The following SYNE2 variants were observed in gnomAD, a reference collection of about 807,000 sequenced individuals.
SYNE2 encodes the protein spectrin repeat containing nuclear envelope protein 2.
SYNE2 carries 431 observed loss-of-function variants against 856.3 expected under a neutral mutation model. That is an observed-to-expected ratio of 0.50 (90% CI 0.47 to 0.55). The LOEUF (loss-of-function observed/expected upper bound fraction) is 0.55, where lower values mean the gene tolerates loss of function less well. SYNE2 is among the 20% of genes least tolerant of loss of function. The probability of loss-of-function intolerance (pLI) is 0.00; values close to 1 mark genes in which losing one functional copy is unlikely to be tolerated. For missense variants in SYNE2, 8,129 were observed against 8,023.2 expected (o/e 1.01, Z -0.50); for synonymous variants, 2,923 against 2,872.3 (o/e 1.02, Z -0.56).
chr14:64,102,108 T>C, intron 64 of SYNE2, 66 bp downstream of exon 64: 1 of 1,140,288 alleles, frequency 8.8e-7, no homozygotes. Flanking sequence ...GGGATCTCTT[T>C]CTGCACGACT....
intron 2 of SYNE2, among the ~76,000 whole-genome samples, chr14:63,936,080 G>A (rs987620522): frequency 1.3e-4 from 20 of 152,060 alleles, no homozygotes; most frequent in East Asian, 5.8e-4. Context: ...TCACCATGTT[G>A]GCCACGCTGG....
chr14:63,900,001 A>C (rs995040385), intron 1 of SYNE2, among the ~76,000 whole-genome samples: 3 of 152,226 alleles, frequency 2.0e-5, no homozygotes, highest in African/African-American at 4.8e-5. Context: ...GAATTCCAGC[A>C]ACCACCTTAA....
At position 64,065,512 on chromosome 14, in the gene SYNE2, C is replaced by T. The variant is rs747290642; in HGVS notation, c.10293C>T (p.Cys3431=). The change falls in exon 51 of 116, where the codon TGC becomes TGT. Residue 3431 remains cysteine, a synonymous_variant. Coordinates refer to ENST00000555002, the MANE Select transcript of SYNE2 (RefSeq NM_182914.3). The part of the protein sequence containing the change: ...RQILRLLRLR[C]TENDGICLLK... ...TCCTTAGACTCTTGAGACTCAGGTG[C>T]ACAGAAAATGATGGCATATGTTTGC... The T allele has an allele frequency of 6.2e-7, 1 of 1,613,992 alleles. No individual in the cohort carries two copies. Among genetic ancestry groups the T allele is most frequent in the East Asian group, 2.2e-5 (1 of 44,870 alleles).
intron 1 of SYNE2, among the ~76,000 whole-genome samples, chr14:63,871,831 A>T (rs1770488016): frequency 6.6e-6 from 1 of 152,098 alleles, no homozygotes; most frequent in African/African-American, 2.4e-5. Flanking sequence ...TTGTTTAAAA[A>T]TTACATAATA....
intron 88 of SYNE2, 82 bp from the exon 89 acceptor site, chr14:64,163,320 A>G: frequency 6.7e-7 from 1 of 1,503,606 alleles, no homozygotes; most frequent in East Asian, 2.3e-5. Context: ...ATATTCTCCT[A>G]GATTTTGATG....
At chr14:63,895,936 A>G (rs575634416) in intron 1 of SYNE2, among the ~76,000 whole-genome samples, 2 of 152,228 alleles carry the variant, frequency 1.3e-5, no homozygotes, top group East Asian at 3.9e-4. Flanking sequence ...ATCCTCTCTT[A>G]TTCCAGGGAA....
At chr14:63,837,374 A>T (rs1889893011) in intron 1 of SYNE2, among the ~76,000 whole-genome samples, 1 of 152,184 alleles carries the variant, frequency 6.6e-6, no homozygotes, top group African/African-American at 2.4e-5. Flanking sequence ...TATCTTTGTG[A>T]CTTTGGGTCA....
rs112357077 is a variant in SYNE2, at chr14:63,996,810, G to A, written c.2941-137G>A. The A allele has an allele frequency of 6.9e-4, 561 of 809,208 alleles. 2 individuals carry two copies. In the African/African-American group the frequency reaches 7.9e-3, roughly 11 times the overall value. The allele number at this position is 809,208 out of a possible 1,614,324, so 50.1% of individuals were successfully genotyped here. A position where few individuals can be genotyped will look rare whatever the true frequency, so the allele number is the denominator to read the frequency against. ...ACTCTCTCATCTTTTTTTCTCTAGC[G>A]CCTATTGTCATAGCATGTAGATGGC... On this transcript the variant is annotated intron_variant, in intron 23 of 115. Transcript: ENST00000555002.
intron 2 of SYNE2, among the ~76,000 whole-genome samples, chr14:63,921,468 G>A (rs570810398): frequency 2.2e-3 from 331 of 152,262 alleles, no homozygotes; most frequent in African/African-American, 7.4e-3. Flanking sequence ...AGCAACACAA[G>A]CCCGTAGCAG....
In SYNE2 at chr14:64,223,218, A is replaced by T. The variant is rs774697526; in HGVS notation, c.20220A>T (p.Gln6740His). Residue 6740 changes from glutamine (Q) to histidine (H), a missense_variant, in exon 113 of 116, where the codon CAA (glutamine) becomes CAT (histidine). Physicochemically the swap from Gln to His is conservative, Grantham distance 24 (BLOSUM62 0). Around this residue, in one of 3 missense-constraint regions of SYNE2, gnomAD observed 5,410 missense variants for 5,284.8 expected, o/e 1.02. Transcript: ENST00000555002. The part of the protein sequence containing the change: ...MQLEKELVER[Q>H]PQVDMLQEIS... ...TGGAAAAGGAGCTGGTAGAACGTCA[A>T]CCTCAAGTGGACATGTTACAGGAGA... The T allele has an allele frequency of 1.2e-6, 2 of 1,614,060 alleles. No individual in the cohort carries two copies. Among genetic ancestry groups the T allele is most frequent in the South Asian group, 2.2e-5 (2 of 91,042 alleles).
intron 1 of SYNE2, among the ~76,000 whole-genome samples, chr14:63,774,245 G>A (rs961515942): frequency 9.2e-5 from 14 of 152,024 alleles, no homozygotes; most frequent in African/African-American, 3.1e-4. Context: ...GAGGCGGGCA[G>A]ATCACCTGAG....
intron 94 of SYNE2, chr14:64,174,040 T>A (rs1373588908): frequency 1.5e-5 from 9 of 598,242 alleles, no homozygotes; most frequent in East Asian, 2.9e-5. Flanking sequence ...TAGAAAAAAA[T>A]AAAAATAAAC....
intron 94 of SYNE2, among the ~76,000 whole-genome samples, chr14:64,172,879 G>A (rs932119628): frequency 6.6e-6 from 1 of 151,534 alleles, no homozygotes; most frequent in Non-Finnish European, 1.5e-5. Flanking sequence ...AGGCTGCAAC[G>A]AGCCATGGTC....
At chr14:64,140,447 T>TG (rs1336209210) in intron 80 of SYNE2, among the ~76,000 whole-genome samples, 1 of 152,164 alleles carries the variant, frequency 6.6e-6, no homozygotes, top group Non-Finnish European at 1.5e-5. Context: ...CCGAGCATGG[T>TG]GGTGCATGCC....
intron 1 of SYNE2, among the ~76,000 whole-genome samples, chr14:63,889,998 C>G (rs1400471834): frequency 6.6e-6 from 1 of 151,608 alleles, no homozygotes; most frequent in African/African-American, 2.4e-5. Context: ...TCCTTCCATC[C>G]AGGTATGGGG....
In SYNE2 at chr14:64,049,429, AAATAAT is replaced by A. The variant is rs71444641; in HGVS notation, c.7378-157_7378-152del. On this transcript the variant is annotated intron_variant, in intron 46 of 115. Transcript: ENST00000555002. Reference sequence around the variant, plus strand: ...ACCCTGCACTCCAGCCTGGGTGACAAAATAATAATAATAATAATAATAATAATAATT... The same window carrying A: ...ACCCTGCACTCCAGCCTGGGTGACAAAATAATAATAATAATAATAATAATT... The A allele has an allele frequency of 9.4e-5, 16 of 169,716 alleles. 1 individual carries two copies. In the East Asian group the frequency reaches 1.4e-3, roughly 14 times the overall value. 10.5% of individuals were successfully genotyped at this position (169,716 alleles called of 1,614,324 possible). A position where few individuals can be genotyped will look rare whatever the true frequency, so the allele number is the denominator to read the frequency against.
Position 64,183,062 on chromosome 14 carries a change from G to A in SYNE2, c.17557-3362G>A, listed in dbSNP as rs181626002. ...GACGGGGCGGCTGCTGGGCGGAGAC[G>A]CTCCTCACTTCCCGGACGGGGCGGC... is the stretch of plus-strand genomic sequence containing the variant. On this transcript the variant is annotated intron_variant, in intron 96 of 115. Transcript: ENST00000555002. 4.7e-5 allele frequency among the ~76,000 whole-genome samples: 7 copies of A among 148,882 alleles called. No individual in the cohort carries two copies. The South Asian group carries it at 6.4e-4, about 14-fold the overall frequency.
At chr14:63,976,798 G>T in intron 12 of SYNE2, 71 bp downstream of exon 12, 4 of 1,519,976 alleles carry the variant, frequency 2.6e-6, no homozygotes, top group Non-Finnish European at 3.6e-6. Flanking sequence ...GGAAGACTTT[G>T]TCCTAAAAAG....
chr14:64,127,546 A>G (rs1229651216), intron 73 of SYNE2, among the ~76,000 whole-genome samples: 1 of 152,088 alleles, frequency 6.6e-6, no homozygotes, highest in Non-Finnish European at 1.5e-5. Context: ...CGGGGGAGGC[A>G]TTTGTTTTTG....
Sources: gnomAD v4.1 joint callset for allele counts (sites outside exome capture counted in the v4.1 genomes callset) on GRCh38, gnomAD v4.1.1 for gene constraint, gnomAD v4.1.1 regional missense constraint, MANE v1.5 for transcripts, NCBI Gene and HGNC (gene_info 2026-07-23, HGNC 2026-07-21) for gene names.